ZNF680: variants seen among roughly 807,000 people sequenced by gnomAD.
ZNF680 encodes zinc finger protein 680, also known as hypothetical protein FLJ90430.
In ZNF680, 6 loss-of-function variants were observed where a neutral mutation model predicts 12.1. The ratio of observed to expected loss-of-function variants is 0.49; its 90% confidence interval spans 0.27 to 0.98. The LOEUF (loss-of-function observed/expected upper bound fraction) is 0.98. Among genes scored for constraint, ZNF680 ranks in the 50% least tolerant of loss-of-function variants. ZNF680 has a pLI of 0.12. For missense variants in ZNF680, 561 were observed against 616.3 expected, an observed-to-expected ratio of 0.91 and a Z score of 0.95; for synonymous variants, 170 against 199.3, an observed-to-expected ratio of 0.85 and a Z score of 1.24.
intron 3 of ZNF680, among the ~76,000 whole-genome samples, chr7:64,533,079 A>G (rs1465523475): frequency 6.6e-6 from 1 of 152,242 alleles, no homozygotes; most frequent in Non-Finnish European, 1.5e-5. Context: ...ATGGGAAAAA[A>G]GTTGAAAGCA....
At chr7:64,530,407 C>T (rs1002399992) in intron 3 of ZNF680, among the ~76,000 whole-genome samples, 1 of 152,078 alleles carries the variant, frequency 6.6e-6, no homozygotes, top group Non-Finnish European at 1.5e-5. Flanking sequence ...CATCTGATGC[C>T]TTCAAGAGAC....
At chr7:64,549,459 C>G (rs115102516) in intron 1 of ZNF680, among the ~76,000 whole-genome samples, 3,929 of 152,286 alleles carry the variant, frequency 0.026, 178 homozygotes, top group African/African-American at 0.09. Flanking sequence ...GTTGACATCT[C>G]ACAATGCAGA....
chr7:64,543,592 A>G (rs75419061), intron 3 of ZNF680, 115 bp downstream of exon 3: 11,668 of 876,580 alleles, frequency 0.013, 118 homozygotes, highest in Admixed American at 0.017. Context: ...GCTTCCCAAA[A>G]ACTATTTTCT....
chr7:64,549,900 T>G (rs1054367857), intron 1 of ZNF680, among the ~76,000 whole-genome samples: 8 of 152,190 alleles, frequency 5.3e-5, no homozygotes, highest in Middle Eastern at 3.4e-3. Context: ...GGAGAATCAG[T>G]TGAGCCCAGG....
At chr7:64,538,957 C>T (rs1023364619) in intron 3 of ZNF680, among the ~76,000 whole-genome samples, 1 of 151,844 alleles carries the variant, frequency 6.6e-6, no homozygotes, top group Non-Finnish European at 1.5e-5. Context: ...ATGGTGAAAC[C>T]TTGTCTCTAC....
At chr7:64,538,426 T>C (rs1005585528) in intron 3 of ZNF680, among the ~76,000 whole-genome samples, 2 of 152,180 alleles carry the variant, frequency 1.3e-5, no homozygotes, top group Non-Finnish European at 2.9e-5. Context: ...AATTATAAAG[T>C]TGAATAACAA....
At chr7:64,554,860 CG>C (rs1221771502) in intron 1 of ZNF680, among the ~76,000 whole-genome samples, 17 of 152,100 alleles carry the variant, frequency 1.1e-4, no homozygotes, top group Admixed American at 9.8e-4. Context: ...CGGAAGGCAG[CG>C]GGGCCCTCTG....
chr7:64,543,314 T>C (rs1786606166), intron 3 of ZNF680, among the ~76,000 whole-genome samples: 1 of 151,866 alleles, frequency 6.6e-6, no homozygotes, highest in Admixed American at 6.6e-5. Context: ...ACCAAAAAAA[T>C]GGAAAAGAAA....
At chr7:64,539,371 A>G (rs967835012) in intron 3 of ZNF680, among the ~76,000 whole-genome samples, 8 of 74,254 alleles carry the variant, frequency 1.1e-4, no homozygotes, top group Middle Eastern at 6.7e-3. Flanking sequence ...AAAAAAAAAA[A>G]AAAAGAAAAG....
At chr7:64,541,276 A>G (rs376298262) in intron 3 of ZNF680, among the ~76,000 whole-genome samples, 1 of 152,192 alleles carries the variant, frequency 6.6e-6, no homozygotes, top group African/African-American at 2.4e-5. Flanking sequence ...GTCTGAACCT[A>G]AAGTACAGAA....
chr7:64,557,254 A>G (rs1384623903), intron 1 of ZNF680, among the ~76,000 whole-genome samples: 1 of 151,338 alleles, frequency 6.6e-6, no homozygotes, highest in Non-Finnish European at 1.5e-5. Context: ...CTGTCTCAAA[A>G]AAAAAAAAAA....
At chr7:64,509,648 AC>A in the ZNF680 span, among the ~76,000 whole-genome samples, 1 of 152,126 alleles carries the variant, frequency 6.6e-6, no homozygotes, top group Non-Finnish European at 1.5e-5. Context: ...CTTTCTTCCA[AC>A]ATCTGGGGTA....
At chr7:64,560,799 G>C (rs930574101) in intron 1 of ZNF680, 12 of 143,838 alleles carry the variant, frequency 8.3e-5, no homozygotes, top group African/African-American at 3.1e-4. Context: ...GTGACAGAAT[G>C]AGACTGTCTC....
At position 64,563,039 on chromosome 7, in the gene ZNF680, A is replaced by G; in HGVS notation, c.-85T>C. 6.6e-7 allele frequency: 1 copy of G among 1,519,988 alleles called. No individual in the cohort carries two copies. The highest frequency in any genetic ancestry group is 9.1e-7 in the Non-Finnish European group (1 of 1,101,052). 94.2% of individuals were successfully genotyped at this position (1,519,988 alleles called of 1,614,324 possible). On this transcript the variant is annotated 5_prime_UTR_variant, in exon 1 of 4. Coordinates refer to ENST00000309683, the MANE Select transcript of ZNF680 (RefSeq NM_178558.5). ...GAGCAGAATACACAGAGCAGTAAAG[A>G]CTAGACCTGGAGCTCCCGCAGCAGC...
At chr7:64,539,209 T>A (rs1786349089) in intron 3 of ZNF680, among the ~76,000 whole-genome samples, 6 of 146,490 alleles carry the variant, frequency 4.1e-5, no homozygotes, top group Admixed American at 3.4e-4. Flanking sequence ...AAGTAACATA[T>A]GTATACAATG....
chr7:64,552,532 C>T (rs7787877), intron 1 of ZNF680, among the ~76,000 whole-genome samples: 34,330 of 152,024 alleles, frequency 0.23, 4,070 homozygotes, highest in South Asian at 0.28. Flanking sequence ...ACACTAAACT[C>T]ATGCTTACTT....
chr7:64,544,295 G>A lies in ZNF680; in HGVS notation c.157+11C>T. ...GGCATATTAGGAATTGTGTGTTGAAGTTATCCTCACCCAGGAAGACCAGGT... is the reference window on the plus strand; with the variant it reads ...GGCATATTAGGAATTGTGTGTTGAAATTATCCTCACCCAGGAAGACCAGGT... On this transcript the variant is annotated intron_variant, in intron 2 of 3. Coordinates refer to ENST00000309683, the MANE Select transcript of ZNF680 (RefSeq NM_178558.5). 6.3e-7 allele frequency: 1 copy of A among 1,599,166 alleles called. No individual in the cohort carries two copies. Among genetic ancestry groups the A allele is most frequent in the African/African-American group, 1.3e-5 (1 of 74,584 alleles).
At chr7:64,509,795 T>C in the ZNF680 span, among the ~76,000 whole-genome samples, 1 of 152,070 alleles carries the variant, frequency 6.6e-6, no homozygotes. Flanking sequence ...CTTGTATCCA[T>C]GTTGCAGCAC....
chr7:64,525,689 C>T, intron 3 of ZNF680: 2 of 742,416 alleles, frequency 2.7e-6, no homozygotes, highest in Non-Finnish European at 3.3e-6. Flanking sequence ...GTGTTTTTGA[C>T]AAGTAAAAAT....
Sources: gnomAD v4.1 joint callset for allele counts (sites outside exome capture counted in the v4.1 genomes callset) on GRCh38, gnomAD v4.1.1 for gene constraint, MANE v1.5 for transcripts, NCBI Gene and HGNC (gene_info 2026-07-23, HGNC 2026-07-21) for gene names.